The following PRKD1 variants were observed in gnomAD, a reference collection of about 807,000 sequenced individuals.
PRKD1 encodes serine/threonine-protein kinase D1.
A neutral mutation model predicts 95.9 loss-of-function variants in PRKD1; 63 were observed. The observed-to-expected ratio is 0.66, with a 90% CI of 0.54 to 0.81. The LOEUF (loss-of-function observed/expected upper bound fraction) is 0.81. Among genes scored for constraint, PRKD1 ranks in the 30% least tolerant of loss-of-function variants. The pLI is 0.00. For synonymous variants in PRKD1, 425 were observed against 423.1 expected (o/e 1.00, Z -0.05); for missense variants, 1,048 against 1,165.3 (o/e 0.90, Z 1.47).
intron 2 of PRKD1, among the ~76,000 whole-genome samples, chr14:29,704,561 C>A (rs1238895128): frequency 6.6e-6 from 1 of 152,140 alleles, no homozygotes; most frequent in East Asian, 1.9e-4. Context: ...GCATCTGACT[C>A]CAAAGCCCTT....
At chr14:29,826,856 T>TAC (rs1288748334) in intron 1 of PRKD1, among the ~76,000 whole-genome samples, 2 of 96,586 alleles carry the variant, frequency 2.1e-5, no homozygotes, top group African/African-American at 8.0e-5. Flanking sequence ...TATATATATA[T>TAC]ATATATATAT....
At chr14:29,692,517 G>T (rs572868009) in intron 2 of PRKD1, among the ~76,000 whole-genome samples, 1 of 152,228 alleles carries the variant, frequency 6.6e-6, no homozygotes, top group South Asian at 2.1e-4. Context: ...ATTTACAGGT[G>T]GGAGGGAAGA....
chr14:29,588,799 TGTGTGTG>T (rs1893023191), intron 16 of PRKD1, among the ~76,000 whole-genome samples: 1 of 43,870 alleles, frequency 2.3e-5, no homozygotes, highest in African/African-American at 7.0e-5. Context: ...GTTGTGTGTG[TGTGTGTG>T]TGTGTGTGTG....
At position 29,597,733 on chromosome 14, in the gene PRKD1, G is replaced by A; in HGVS notation, c.2192C>T (p.Ala731Val). Residue 731 changes from alanine to valine, a missense_variant, in exon 16 of 18, where the codon GCC (alanine) becomes GTC (valine). By Grantham distance (64) the Ala-to-Val change is moderately conservative. This residue lies in a region of PRKD1 where 739 missense variants were observed against 861.9 expected (regional missense o/e 0.86). Coordinates refer to ENST00000331968, the MANE Select transcript of PRKD1 (RefSeq NM_002742.3). ...GAAAGACTTCTCTCCAATGATCCGG[G>A]CAAAACCAAAATCACAAAGTTTCAC... ...PQVKLCDFGF[A>V]RIIGEKSFRR... 2.5e-6 allele frequency: 4 copies of A among 1,611,634 alleles called. No homozygotes were observed. Among genetic ancestry groups the A allele is most frequent in the Non-Finnish European group, 3.4e-6 (4 of 1,178,970 alleles).
At chr14:29,595,810 C>T (rs185783355) in intron 16 of PRKD1, among the ~76,000 whole-genome samples, 4 of 152,226 alleles carry the variant, frequency 2.6e-5, no homozygotes, top group East Asian at 3.9e-4. Flanking sequence ...AGTGGTATTA[C>T]GGATTTGCAT....
intron 16 of PRKD1, among the ~76,000 whole-genome samples, chr14:29,581,304 C>T (rs1432276901): frequency 2.0e-5 from 3 of 152,118 alleles, no homozygotes; most frequent in Non-Finnish European, 4.4e-5. Flanking sequence ...ATTTTCCTCA[C>T]TAACTGCCAA....
intron 2 of PRKD1, among the ~76,000 whole-genome samples, chr14:29,676,041 A>G (rs983814802): frequency 6.6e-6 from 1 of 151,628 alleles, no homozygotes; most frequent in African/African-American, 2.4e-5. Context: ...TGACGCGTTA[A>G]TGGGTGCAGC....
At chr14:29,648,605 A>G (rs1183439870) in intron 4 of PRKD1, among the ~76,000 whole-genome samples, 3 of 152,186 alleles carry the variant, frequency 2.0e-5, no homozygotes, top group Admixed American at 2.0e-4. Flanking sequence ...TGCCTTATAA[A>G]TGCTGTGTTT....
chr14:29,825,060 A>G (rs1038453804), intron 1 of PRKD1, among the ~76,000 whole-genome samples: 1 of 152,128 alleles, frequency 6.6e-6, no homozygotes, highest in Non-Finnish European at 1.5e-5. Flanking sequence ...TATTGGGTAT[A>G]AAAATTTTCC....
chr14:29,729,471 T>C (rs2139404973), intron 1 of PRKD1, among the ~76,000 whole-genome samples: 1 of 152,198 alleles, frequency 6.6e-6, no homozygotes, highest in South Asian at 2.1e-4. Flanking sequence ...TTCATGTGAT[T>C]CCCTTACCAC....
intron 1 of PRKD1, among the ~76,000 whole-genome samples, chr14:29,926,891 C>A (rs952470599): frequency 2.0e-5 from 3 of 151,692 alleles, no homozygotes; most frequent in Non-Finnish European, 4.4e-5. Context: ...GTCCAGGGTC[C>A]GTAGGGGAGA....
chr14:29,659,176 C>T (rs892719806), intron 4 of PRKD1, among the ~76,000 whole-genome samples: 1 of 152,142 alleles, frequency 6.6e-6, no homozygotes, highest in African/African-American at 2.4e-5. Flanking sequence ...TGATATCCCA[C>T]CTTAGTTTTA....
At chr14:29,585,113 A>G (rs1205025550) in intron 16 of PRKD1, among the ~76,000 whole-genome samples, 1 of 151,744 alleles carries the variant, frequency 6.6e-6, no homozygotes, top group Non-Finnish European at 1.5e-5. Flanking sequence ...TGTAGTGCTT[A>G]GTACTTCTCT....
At chr14:29,847,051 G>T (rs1175742251) in intron 1 of PRKD1, among the ~76,000 whole-genome samples, 1 of 152,076 alleles carries the variant, frequency 6.6e-6, no homozygotes, top group South Asian at 2.1e-4. Context: ...TGGATCAGGT[G>T]CCCCAGCAAT....
At chr14:29,750,243 G>T (rs1024286662) in intron 1 of PRKD1, among the ~76,000 whole-genome samples, 1 of 152,220 alleles carries the variant, frequency 6.6e-6, no homozygotes, top group South Asian at 2.1e-4. Context: ...ATTATATACA[G>T]TAACTCCTCA....
intron 1 of PRKD1, among the ~76,000 whole-genome samples, chr14:29,785,762 T>A (rs1033999473): frequency 2.0e-5 from 3 of 151,832 alleles, no homozygotes; most frequent in African/African-American, 7.3e-5. Context: ...GCATGGCACA[T>A]GTATACGTAT....
At chr14:29,683,478 G>C (rs1349519755) in intron 2 of PRKD1, among the ~76,000 whole-genome samples, 4 of 152,182 alleles carry the variant, frequency 2.6e-5, no homozygotes, top group Non-Finnish European at 5.9e-5. Flanking sequence ...ATTCAGGACA[G>C]AGGTTAGGGG....
At chr14:29,872,154 A>C (rs1041850000) in intron 1 of PRKD1, among the ~76,000 whole-genome samples, 1 of 152,180 alleles carries the variant, frequency 6.6e-6, no homozygotes, top group African/African-American at 2.4e-5. Flanking sequence ...CCATTGAGGA[A>C]GAAGTTTATG....
At chr14:29,924,283 G>A (rs1422171790) in intron 1 of PRKD1, among the ~76,000 whole-genome samples, 3 of 152,116 alleles carry the variant, frequency 2.0e-5, no homozygotes, top group African/African-American at 4.8e-5. Flanking sequence ...CTTAGGGTAC[G>A]TTATCTTAAA....
Sources: allele counts gnomAD v4.1 joint callset (sites outside exome capture counted in the v4.1 genomes callset), GRCh38; gene constraint gnomAD v4.1.1; regional missense constraint gnomAD v4.1.1; transcripts MANE v1.5; gene names NCBI Gene and HGNC (gene_info 2026-07-23, HGNC 2026-07-21).